ENTPD7: variants seen among roughly 807,000 people sequenced by gnomAD.
ENTPD7 encodes ectonucleoside triphosphate diphosphohydrolase 7.
ENTPD7 carries 53 observed loss-of-function variants against 77.9 expected under a neutral mutation model. The ratio of observed to expected loss-of-function variants is 0.68; its 90% CI spans 0.55 to 0.85. ENTPD7 has a LOEUF of 0.85. ENTPD7 is among the 40% of genes least tolerant of loss of function. The pLI is 0.00. For synonymous variants in ENTPD7, 248 were observed against 274.9 expected (o/e 0.90, Z 0.97); for missense variants, 636 against 743.7 (o/e 0.86, Z 1.68).
chr10:99,679,848 C>A lies in ENTPD7; in HGVS notation c.521C>A (p.Thr174Lys). Reference sequence around the variant, plus strand: ...GAGACCCCTCTTTACATCCTCTGCACAGCAGGCATGAGGCTTCTCCCTGAG... The same window carrying A: ...GAGACCCCTCTTTACATCCTCTGCAAAGCAGGCATGAGGCTTCTCCCTGAG... The part of the protein sequence containing the change: ...HKETPLYILC[T>K]AGMRLLPERK... The change falls in exon 5 of 13, where the codon ACA (threonine) becomes AAA (lysine). Residue 174 changes from threonine to lysine, a missense_variant. By Grantham distance (78) the Thr-to-Lys change is moderately conservative. Around this residue, in one of 3 missense-constraint regions of ENTPD7, gnomAD observed 486 missense variants for 556.5 expected, o/e 0.87. Coordinates refer to ENST00000370489, the MANE Select transcript of ENTPD7 (RefSeq NM_020354.5). 6.2e-7 allele frequency: 1 copy of A among 1,613,708 alleles called. No individual in the cohort carries two copies. Among genetic ancestry groups the A allele is most frequent in the Non-Finnish European group, 8.5e-7 (1 of 1,179,912 alleles).
intron 11 of ENTPD7, 32 bp from the exon 12 acceptor site, chr10:99,702,476 CTCTT>C (rs2036158263): frequency 6.7e-7 from 1 of 1,496,252 alleles, no homozygotes; most frequent in African/African-American, 1.4e-5. Context: ...GAATTCTTTT[CTCTT>C]TTTTTAAAAT....
In ENTPD7 at chr10:99,704,585, C is replaced by G. The variant is rs754180109; in HGVS notation, c.1717C>G (p.Arg573Gly). The G allele has an allele frequency of 7.4e-6, 12 of 1,614,182 alleles. No individual in the cohort carries two copies. In the Admixed American group the frequency reaches 2.0e-4, roughly 27 times the overall value. ...CATCTTCCTATACCTTCTGCGGCTA[C>G]GCCGAATTCACCACCGACAAACACG... Reference protein sequence around the residue: ...LAIFLYLLRLRRIHHRQTRAS... With the variant: ...LAIFLYLLRLGRIHHRQTRAS... Residue 573 changes from arginine to glycine, a missense_variant, in exon 13 of 13, where the codon CGC (arginine) becomes GGC (glycine). Transcript: ENST00000370489.
intron 3 of ENTPD7, among the ~76,000 whole-genome samples, chr10:99,668,876 T>C (rs1017433624): frequency 2.0e-5 from 3 of 152,112 alleles, no homozygotes; most frequent in Non-Finnish European, 4.4e-5. Flanking sequence ...TTGTTCCTAA[T>C]TCACACAGTG....
At chr10:99,692,443 C>T (rs917843728) in intron 8 of ENTPD7, among the ~76,000 whole-genome samples, 5 of 152,056 alleles carry the variant, frequency 3.3e-5, no homozygotes, top group Non-Finnish European at 7.4e-5. Context: ...TGGGGACTGG[C>T]AGCCAACTTA....
intron 5 of ENTPD7, 51 bp from the exon 6 acceptor site, chr10:99,685,741 T>C: frequency 7.3e-7 from 1 of 1,366,964 alleles, no homozygotes; most frequent in Non-Finnish European, 1.0e-6. Context: ...AGGCAGTTTA[T>C]GAGAAGAGAG....
At position 99,685,827 on chromosome 10, in the gene ENTPD7, A is replaced by T; in HGVS notation, c.584A>T (p.Asp195Val). 6.2e-7 allele frequency: 1 copy of T among 1,613,842 alleles called. No homozygotes were observed. ...QLAILADLVK[D>V]LPLEFDFLFS... ...GCTATCTTGGCTGACCTAGTGAAAG[A>T]TTTACCACTGGAGTTTGACTTCCTC... is the stretch of plus-strand genomic sequence containing the variant. The change falls in exon 6 of 13, where the codon GAT becomes GTT. Residue 195 changes from aspartate to valine, a missense_variant. By Grantham distance (152) the Asp-to-Val change is radical (BLOSUM62 -3). Transcript: ENST00000370489.
chr10:99,676,596 C>CT (rs1325540922), intron 3 of ENTPD7, among the ~76,000 whole-genome samples: 2 of 152,128 alleles, frequency 1.3e-5, no homozygotes, highest in South Asian at 4.1e-4. Context: ...TTGCCTATTT[C>CT]TTTTTTATCT....
intron 2 of ENTPD7, chr10:99,660,534 AC>A: frequency 4.3e-6 from 1 of 232,904 alleles, no homozygotes; most frequent in Non-Finnish European, 8.5e-6. Flanking sequence ...ACGCACACAC[AC>A]ACACACACAC....
intron 3 of ENTPD7, among the ~76,000 whole-genome samples, chr10:99,678,370 A>C (rs2035710841): frequency 6.6e-6 from 1 of 152,066 alleles, no homozygotes; most frequent in Non-Finnish European, 1.5e-5. Context: ...TGGGAGGCTG[A>C]GGCAGGAGAA....
At chr10:99,689,812 A>G (rs2035858763) in intron 7 of ENTPD7, among the ~76,000 whole-genome samples, 1 of 152,220 alleles carries the variant, frequency 6.6e-6, no homozygotes, top group African/African-American at 2.4e-5. Context: ...CAAAATGGTG[A>G]TATTTCTAAT....
At chr10:99,662,080 T>G (rs2035494206) in intron 3 of ENTPD7, among the ~76,000 whole-genome samples, 1 of 152,240 alleles carries the variant, frequency 6.6e-6, no homozygotes, top group Non-Finnish European at 1.5e-5. Flanking sequence ...TTTATATAAG[T>G]GGGCTTCTTG....
chr10:99,698,777 C>T lies in ENTPD7; in HGVS notation c.1254C>T (p.Phe418=), dbSNP rs763317784. 4.8e-5 allele frequency: 77 copies of T among 1,613,660 alleles called. No individual in the cohort carries two copies. The highest frequency in any genetic ancestry group is 5.6e-5 in the Non-Finnish European group (66 of 1,179,982). Residue 418 remains phenylalanine (F), a synonymous_variant, in exon 10 of 13, where the codon TTC becomes TTT. Coordinates refer to ENST00000370489, the MANE Select transcript of ENTPD7 (RefSeq NM_020354.5). ...IDFNNSEFYG[F]SEFFYCTEDV... Reference sequence around the variant, plus strand: ...TCAACAACAGCGAGTTCTACGGCTTCTCTGAGTTTTTTTATTGTACAGAGG... The same window carrying T: ...TCAACAACAGCGAGTTCTACGGCTTTTCTGAGTTTTTTTATTGTACAGAGG...
chr10:99,660,330 T>C, intron 2 of ENTPD7: 2 of 1,185,628 alleles, frequency 1.7e-6, no homozygotes, highest in Non-Finnish European at 2.1e-6. Flanking sequence ...ACCGAGGTCC[T>C]TTTGAATCAA....
chr10:99,664,688 G>T (rs1433154448), intron 3 of ENTPD7, among the ~76,000 whole-genome samples: 1 of 149,742 alleles, frequency 6.7e-6, no homozygotes, highest in Non-Finnish European at 1.5e-5. Flanking sequence ...TGACCTTGTG[G>T]TCTACCCACG....
At chr10:99,660,065 C>G in intron 2 of ENTPD7, 101 bp downstream of exon 2, 1 of 1,557,108 alleles carries the variant, frequency 6.4e-7, no homozygotes, top group South Asian at 1.1e-5. Flanking sequence ...TGCCCTGGAG[C>G]TGCACTTGGA....
At position 99,706,237 on chromosome 10, in the gene ENTPD7, A is replaced by G. The variant is rs2036249769; in HGVS notation, c.*1554A>G. Reference sequence around the variant, plus strand: ...ATCCTAGAAATAAACTAAGATAAAAATAAGTATACTGACCCTTGGTTGGTA... The same window carrying G: ...ATCCTAGAAATAAACTAAGATAAAAGTAAGTATACTGACCCTTGGTTGGTA... On this transcript the variant is annotated 3_prime_UTR_variant, in exon 13 of 13. Transcript: ENST00000370489. 1.3e-5 allele frequency: 2 copies of G among 152,248 alleles called. No individual in the cohort carries two copies. The allele number at this position is 152,248 out of a possible 1,614,324, so 9.4% of individuals were successfully genotyped here.
Position 99,709,081 on chromosome 10 carries a change from T to C in ENTPD7, c.*4398T>C, listed in dbSNP as rs2036307947. On this transcript the variant is annotated 3_prime_UTR_variant, in exon 13 of 13. Transcript: ENST00000370489. ...TTTCTTTTCGTACTTTTAAATTTTA[T>C]ACATCTTTTTAAAACAATTTTATAC... is the stretch of plus-strand genomic sequence containing the variant. The C allele has an allele frequency of 1.5e-5, 15 of 981,608 alleles. No individual in the cohort carries two copies. The highest frequency in any genetic ancestry group is 1.7e-5 in the Non-Finnish European group (14 of 826,420). The allele number at this position is 981,608 out of a possible 1,614,324, so 60.8% of individuals were successfully genotyped here. A position where few individuals can be genotyped will look rare whatever the true frequency, so the allele number is the denominator to read the frequency against.
In ENTPD7 at chr10:99,691,448, A is replaced by G. The variant is rs1483302579; in HGVS notation, c.773A>G (p.Asp258Gly). Residue 258 changes from aspartate to glycine, a missense_variant, in exon 8 of 13, where the codon GAT becomes GGT. Asp to Gly is a moderately conservative substitution (Grantham distance 94). This residue lies in a region of ENTPD7 where 486 missense variants were observed against 556.5 expected (regional missense o/e 0.87). Transcript: ENST00000370489. ...AGRRRTVGIL[D>G]MGGASLQIAY... ...CGGAGAAGGACAGTAGGGATACTGGATATGGGAGGAGCCTCTCTCCAAATT... is the reference window on the plus strand; with the variant it reads ...CGGAGAAGGACAGTAGGGATACTGGGTATGGGAGGAGCCTCTCTCCAAATT... The G allele has an allele frequency of 6.2e-7, 1 of 1,613,978 alleles. No homozygotes were observed. The highest frequency in any genetic ancestry group is 1.3e-5 in the African/African-American group (1 of 74,934).
rs745792225 is a variant in ENTPD7, at chr10:99,709,978, C to T, written c.*5295C>T. 2.2e-5 allele frequency: 22 copies of T among 985,330 alleles called. No individual in the cohort carries two copies. Among genetic ancestry groups the T allele is most frequent in the Non-Finnish European group, 2.7e-5 (22 of 829,938 alleles). The allele number at this position is 985,330 out of a possible 1,614,324, so 61.0% of individuals were successfully genotyped here. ...CTTTCACTTTTAAAATGTAATCCAT[C>T]ATTGCTTGCCATTTTTATGAAAACC... On this transcript the variant is annotated 3_prime_UTR_variant, in exon 13 of 13. Transcript: ENST00000370489.
Sources: allele counts gnomAD v4.1 joint callset (sites outside exome capture counted in the v4.1 genomes callset), GRCh38; gene constraint gnomAD v4.1.1; regional missense constraint gnomAD v4.1.1; transcripts MANE v1.5; gene names NCBI Gene and HGNC (gene_info 2026-07-23, HGNC 2026-07-21).